Variants in ASH1L observed in about 807,000 individuals in gnomAD.
ASH1L encodes the protein ASH1 like histone lysine methyltransferase.
Under a neutral mutation model 269.0 loss-of-function variants are expected in ASH1L, and 23 were observed. The observed-to-expected ratio is 0.09, with a 90% CI of 0.06 to 0.12. The LOEUF is 0.12. Ranked by LOEUF, ASH1L falls within the 10% of genes least tolerant of loss-of-function variation. The pLI, the probability that ASH1L is intolerant of heterozygous loss-of-function variation, is 1.00. For synonymous variants in ASH1L, 1,187 were observed against 1,253.5 expected, an observed-to-expected ratio of 0.95 and a Z score of 1.12; for missense variants, 2,912 against 3,567.8, an observed-to-expected ratio of 0.82 and a Z score of 4.68.
chr1:155,562,910 A>C (rs1227844311), upstream of ASH1L: 63 of 217,550 alleles, frequency 2.9e-4, no homozygotes, highest in African/African-American at 7.4e-4. Context: ...CCCCCCTACC[A>C]CCCTCCACCC....
At position 155,478,868 on chromosome 1, in the gene ASH1L, G is replaced by T; in HGVS notation, c.4002C>A (p.Pro1334=). The T allele has an allele frequency of 6.2e-7, 1 of 1,614,028 alleles. No individual in the cohort carries two copies. The highest frequency in any genetic ancestry group is 1.1e-5 in the South Asian group (1 of 91,060). Reference sequence around the variant, plus strand: ...TTCGAATGTAGTGCAAAGGGTCTAAGGGGAAAGAAGGATGTGTATAGAAAC... The same window carrying T: ...TTCGAATGTAGTGCAAAGGGTCTAATGGGAAAGAAGGATGTGTATAGAAAC... The part of the protein sequence containing the change: ...FNSFYTHPSF[P]LDPLHYIRKP... The change falls in exon 3 of 28, where the codon CCC becomes CCA. Residue 1334 remains proline (P), a synonymous_variant. Transcript: ENST00000392403. This position sits in a 1 kb window ranked among gnomAD's most constrained non-coding sequence, Gnocchi z 4.6.
chr1:155,457,349 C>G (rs971018003), intron 4 of ASH1L, among the ~76,000 whole-genome samples: 1 of 152,122 alleles, frequency 6.6e-6, no homozygotes, highest in African/African-American at 2.4e-5. Context: ...CTTTTACAAC[C>G]TCCTTTTCCA....
intron 2 of ASH1L, among the ~76,000 whole-genome samples, chr1:155,510,234 A>C (rs1479290619): frequency 6.6e-6 from 1 of 151,642 alleles, no homozygotes; most frequent in Non-Finnish European, 1.5e-5. Flanking sequence ...ACCAATTTGG[A>C]GAAACCCTGT....
intron 24 of ASH1L, among the ~76,000 whole-genome samples, chr1:155,342,633 T>C (rs1652913283): frequency 6.6e-6 from 1 of 152,224 alleles, no homozygotes; most frequent in Admixed American, 6.5e-5. Flanking sequence ...ATTGAGCTTT[T>C]ACTCTAAGCC....
Position 155,481,492 on chromosome 1 carries a change from C to T in ASH1L, c.1378G>A (p.Ala460Thr). The change falls in exon 3 of 28, where the codon GCC (alanine) becomes ACC (threonine). Residue 460 changes from alanine to threonine, a missense_variant. Ala to Thr is a moderately conservative substitution (Grantham distance 58). Around this residue, in one of 13 missense-constraint regions of ASH1L, gnomAD observed 715 missense variants for 721.0 expected, o/e 0.99. Coordinates refer to ENST00000392403, the MANE Select transcript of ASH1L (RefSeq NM_018489.3). ...QELSESLKDS[A>T]TSKTFEKNVV... Reference sequence around the variant, plus strand: ...TTCTTTTCAAAAGTTTTGCTGGTGGCACTATCTTTCAGGGATTCAGAAAGT... The same window carrying T: ...TTCTTTTCAAAAGTTTTGCTGGTGGTACTATCTTTCAGGGATTCAGAAAGT... 2 of 1,614,092 alleles carry T rather than the reference C, an allele frequency of 1.2e-6. No homozygotes were observed. Among genetic ancestry groups the T allele is most frequent in the Non-Finnish European group, 1.7e-6 (2 of 1,180,004 alleles).
Position 155,405,674 on chromosome 1 carries a change from C to T in ASH1L, c.6008+10070G>A, listed in dbSNP as rs145210915. ...ATGAAACCCTGTCTCTACAAAACTA[C>T]AAAAAATTAGCCGGGCATGGTGGTG... On this transcript the variant is annotated intron_variant, in intron 6 of 27. Coordinates refer to ENST00000392403, the MANE Select transcript of ASH1L (RefSeq NM_018489.3). Among the ~76,000 whole-genome samples the T allele has an allele frequency of 3.4e-3, 510 of 151,282 alleles. 3 individuals are homozygous for T. Among genetic ancestry groups the T allele is most frequent in the African/African-American group, 0.012 (493 of 41,206 alleles).
At chr1:155,492,167 C>T (rs1349610322) in intron 2 of ASH1L, among the ~76,000 whole-genome samples, 5 of 151,728 alleles carry the variant, frequency 3.3e-5, no homozygotes, top group Non-Finnish European at 1.5e-5. Context: ...TCCCGAGTCG[C>T]TGGGATTACA....
At chr1:155,545,175 C>CAAAAAA (rs10624841) in intron 1 of ASH1L, among the ~76,000 whole-genome samples, 283 of 21,786 alleles carry the variant, frequency 0.013, 101 homozygotes, top group Admixed American at 0.019. Flanking sequence ...TCCATCTCAC[C>CAAAAAA]AAAAAAAAAA....
rs1169010469 is a variant in ASH1L, at chr1:155,341,921, A to T, written c.8460+15T>A. 1 of 1,613,496 alleles carries T rather than the reference A, an allele frequency of 6.2e-7. No individual in the cohort carries two copies. The highest frequency in any genetic ancestry group is 1.7e-5 in the Admixed American group (1 of 59,990). ...TTGTCCTAACATGTAGTGTTAAGAA[A>T]GGAAGGAGACTCACCGAGAAATCTT... On this transcript the variant is annotated intron_variant, in intron 25 of 27. Coordinates refer to ENST00000392403, the MANE Select transcript of ASH1L (RefSeq NM_018489.3).
Position 155,343,079 on chromosome 1 carries a change from T to C in ASH1L, c.8293+235A>G, listed in dbSNP as rs1311042703. The stretch of plus-strand genomic sequence containing the variant: ...CAGGTTGGAGTGCAGTGGTGCGATC[T>C]TGGCTCACTGCAACCTCTGCCTCCC... On this transcript the variant is annotated intron_variant, in intron 24 of 27. Transcript: ENST00000392403. The surrounding 1 kb of genome is among the most constrained non-coding windows in gnomAD (Gnocchi z 6.1). 2.3e-6 allele frequency: 1 copy of C among 444,112 alleles called. No homozygotes were observed. The highest frequency in any genetic ancestry group is 3.9e-5 in the East Asian group (1 of 25,512). 27.5% of individuals were successfully genotyped at this position (444,112 alleles called of 1,614,324 possible).
intron 1 of ASH1L, among the ~76,000 whole-genome samples, chr1:155,524,179 A>T (rs1669074502): frequency 6.6e-6 from 1 of 152,030 alleles, no homozygotes; most frequent in Non-Finnish European, 1.5e-5. Context: ...CTAACAAATC[A>T]TGTTCATTTC....
chr1:155,443,441 C>T lies in ASH1L; in HGVS notation c.5087-4373G>A, dbSNP rs186540386. On this transcript the variant is annotated intron_variant, in intron 4 of 27. Coordinates refer to ENST00000392403, the MANE Select transcript of ASH1L (RefSeq NM_018489.3). ...TAACTTATTTTCAAAATTAACTTCA[C>T]TGTGGTAAAGTACCACATAAAATTC... Among the ~76,000 whole-genome samples the T allele has an allele frequency of 3.7e-4, 56 of 152,314 alleles. No individual in the cohort carries two copies. In the East Asian group the frequency reaches 9.4e-3, roughly 26 times the overall value.
chr1:155,447,001 T>C (rs1334382730), intron 4 of ASH1L, among the ~76,000 whole-genome samples: 1 of 152,240 alleles, frequency 6.6e-6, no homozygotes, highest in East Asian at 1.9e-4. Flanking sequence ...AACTCATTTA[T>C]TAAGTTCCAG....
At chr1:155,365,891 AC>A (rs1306252829) in intron 12 of ASH1L, among the ~76,000 whole-genome samples, 6 of 152,100 alleles carry the variant, frequency 3.9e-5, no homozygotes, top group Non-Finnish European at 8.8e-5. Flanking sequence ...GAATATCATC[AC>A]CGCTATTCAA....
At chr1:155,496,875 G>A (rs528795296) in intron 2 of ASH1L, among the ~76,000 whole-genome samples, 1 of 151,820 alleles carries the variant, frequency 6.6e-6, no homozygotes, top group South Asian at 2.1e-4. Context: ...CAAACTCCCG[G>A]GCTCGGGCAA....
intron 2 of ASH1L, among the ~76,000 whole-genome samples, chr1:155,500,816 A>G (rs1667451238): frequency 6.6e-6 from 1 of 152,130 alleles, no homozygotes; most frequent in Non-Finnish European, 1.5e-5. Context: ...TAAAAATACA[A>G]AATTAGCCGA....
chr1:155,441,047 G>A (rs926342295), intron 4 of ASH1L, among the ~76,000 whole-genome samples: 1 of 152,040 alleles, frequency 6.6e-6, no homozygotes, highest in Admixed American at 6.6e-5. Flanking sequence ...TCTTGAACCT[G>A]TCCACTTTCC....
rs1665898271 is a variant in ASH1L, at chr1:155,480,808, A to T, written c.2062T>A (p.Ser688Thr). 1 of 1,613,890 alleles carries T rather than the reference A, an allele frequency of 6.2e-7. No individual in the cohort carries two copies. Among genetic ancestry groups the T allele is most frequent in the Non-Finnish European group, 8.5e-7 (1 of 1,179,980 alleles). Residue 688 changes from serine (S) to threonine (T), a missense_variant, in exon 3 of 28, where the codon TCT becomes ACT. Ser to Thr is a moderately conservative substitution (Grantham distance 58). Around this residue, in one of 13 missense-constraint regions of ASH1L, gnomAD observed 715 missense variants for 721.0 expected, o/e 0.99. Transcript: ENST00000392403. Reference protein sequence around the residue: ...NKPFLKLGAVSASDKHCQVAE... With the variant: ...NKPFLKLGAVTASDKHCQVAE... Reference sequence around the variant, plus strand: ...ACTTGGCAGTGTTTGTCTGATGCAGATACTGCACCCAGTTTTAAAAAAGGC... The same window carrying T: ...ACTTGGCAGTGTTTGTCTGATGCAGTTACTGCACCCAGTTTTAAAAAAGGC...
intron 2 of ASH1L, among the ~76,000 whole-genome samples, chr1:155,487,576 G>A (rs1016940586): frequency 6.6e-6 from 1 of 151,976 alleles, no homozygotes; most frequent in Non-Finnish European, 1.5e-5. Flanking sequence ...TTGTAGAGAT[G>A]AGGTCTTGCT....
Sources: gnomAD v4.1 joint callset for allele counts (sites outside exome capture counted in the v4.1 genomes callset) on GRCh38, gnomAD v4.1.1 for gene constraint, gnomAD v4.1.1 regional missense constraint, Gnocchi (gnomAD v3.1) non-coding constraint, MANE v1.5 for transcripts, NCBI Gene and HGNC (gene_info 2026-07-23, HGNC 2026-07-21) for gene names.